The following BCL2L13 variants were observed in gnomAD, a reference collection of about 807,000 sequenced individuals.
BCL2L13 encodes bcl-2-like protein 13.
Under a neutral mutation model 25.8 loss-of-function variants are expected in BCL2L13, and 13 were observed. That is an observed-to-expected ratio of 0.50 (90% CI 0.33 to 0.80). The LOEUF is 0.80. Among genes scored for constraint, BCL2L13 ranks in the 30% least tolerant of loss-of-function variants. BCL2L13 has a pLI of 0.02. For synonymous variants in BCL2L13, 244 were observed against 230.3 expected, an observed-to-expected ratio of 1.06 and a Z score of -0.54; for missense variants, 504 against 574.9, an observed-to-expected ratio of 0.88 and a Z score of 1.26.
At chr22:17,715,137 TATATATATATATATATATATATATA>T (rs1569007362) in intron 6 of BCL2L13, among the ~76,000 whole-genome samples, 2 of 2,858 alleles carry the variant, frequency 7.0e-4, no homozygotes, top group African/African-American at 1.2e-3. Flanking sequence ...TATATATATA[TATATATATATATATATATATATATA>T]TATATATATT....
chr22:17,691,585 G>T (rs55954457), intron 4 of BCL2L13, among the ~76,000 whole-genome samples: 2,205 of 152,212 alleles, frequency 0.014, 55 homozygotes, highest in African/African-American at 0.05. Context: ...GGCGGAGCTT[G>T]CAGTGAGCCG....
intron 2 of BCL2L13, among the ~76,000 whole-genome samples, chr22:17,679,331 G>A (rs1482314969): frequency 7.0e-6 from 1 of 143,858 alleles, no homozygotes; most frequent in Non-Finnish European, 1.5e-5. Context: ...GTGCAATGGT[G>A]CGATCTCTGC....
At position 17,688,767 on chromosome 22, in the gene BCL2L13, TG is replaced by T. The variant is rs1156521045; in HGVS notation, c.230-218del. On this transcript the variant is annotated intron_variant, in intron 3 of 6. Transcript: ENST00000317582. ...TTTATAGCGCAACTTTTGATATTGT[TG>T]TTTTTTTTTTTTTTTTGAGACGGAG... Among the ~76,000 whole-genome samples, 4 of 145,446 alleles carry T rather than the reference TG, an allele frequency of 2.8e-5. No homozygotes were observed. In the South Asian group the frequency reaches 6.4e-4, roughly 23 times the overall value.
intron 1 of BCL2L13, among the ~76,000 whole-genome samples, chr22:17,641,136 C>G (rs1282336978): frequency 1.3e-5 from 2 of 152,012 alleles, no homozygotes. Flanking sequence ...GCGATCTGCC[C>G]GCCTCGGCCT....
intron 1 of BCL2L13, among the ~76,000 whole-genome samples, chr22:17,647,232 C>G (rs1046767847): frequency 6.6e-6 from 1 of 151,740 alleles, no homozygotes; most frequent in African/African-American, 2.4e-5. Flanking sequence ...CCTTGGCCTC[C>G]CAAAGTTCTG....
intron 2 of BCL2L13, among the ~76,000 whole-genome samples, chr22:17,677,826 C>G (rs774467293): frequency 6.6e-6 from 1 of 151,252 alleles, no homozygotes; most frequent in Non-Finnish European, 1.5e-5. Flanking sequence ...GAGGCGAGAT[C>G]GCGCCATTGC....
chr22:17,649,613 C>T (rs1030310826), intron 1 of BCL2L13, among the ~76,000 whole-genome samples: 6 of 151,822 alleles, frequency 4.0e-5, no homozygotes, highest in Non-Finnish European at 7.4e-5. Flanking sequence ...AGTGATTCTC[C>T]TGCCTCAGCC....
At chr22:17,704,003 A>G (rs2145720384) in intron 6 of BCL2L13, among the ~76,000 whole-genome samples, 1 of 152,350 alleles carries the variant, frequency 6.6e-6, no homozygotes, top group African/African-American at 2.4e-5. Context: ...GGTGATTGTA[A>G]TTGGTTACAG....
intron 2 of BCL2L13, among the ~76,000 whole-genome samples, chr22:17,681,963 C>G (rs2059769539): frequency 6.6e-6 from 1 of 152,114 alleles, no homozygotes. Flanking sequence ...TGTATATACA[C>G]ATACATACAT....
chr22:17,690,187 A>C (rs2060063881), intron 4 of BCL2L13, among the ~76,000 whole-genome samples: 1 of 151,896 alleles, frequency 6.6e-6, no homozygotes. Flanking sequence ...TTAGCTGAGC[A>C]TGGTGGCAGG....
At chr22:17,680,752 A>G (rs535200472) in intron 2 of BCL2L13, among the ~76,000 whole-genome samples, 3 of 152,090 alleles carry the variant, frequency 2.0e-5, no homozygotes, top group Non-Finnish European at 2.9e-5. Context: ...AAAGTGGCAG[A>G]TAAGCGTCTT....
chr22:17,633,821 T>C (rs1009242268), upstream of BCL2L13, among the ~76,000 whole-genome samples: 6 of 152,122 alleles, frequency 3.9e-5, no homozygotes, highest in Admixed American at 6.6e-5. Context: ...AAAACCTAGA[T>C]GGCAGATGGC....
chr22:17,709,924 TA>T (rs1472931259), intron 6 of BCL2L13, among the ~76,000 whole-genome samples: 5 of 151,054 alleles, frequency 3.3e-5, no homozygotes, highest in Admixed American at 2.0e-4. Flanking sequence ...ACAAAAAATA[TA>T]AAAATTAACT....
intron 3 of BCL2L13, among the ~76,000 whole-genome samples, chr22:17,684,987 G>T (rs999509960): frequency 6.6e-6 from 1 of 151,974 alleles, no homozygotes. Context: ...TGCCCGCCTT[G>T]GCCTCCCAAA....
At chr22:17,636,950 G>T (rs1209988589), upstream of BCL2L13, among the ~76,000 whole-genome samples, 1 of 152,162 alleles carries the variant, frequency 6.6e-6, no homozygotes, top group Non-Finnish European at 1.5e-5. Context: ...TAGGTAAAGT[G>T]TACATACAGT....
At chr22:17,643,292 T>C (rs2146404093) in intron 1 of BCL2L13, among the ~76,000 whole-genome samples, 1 of 152,244 alleles carries the variant, frequency 6.6e-6, no homozygotes, top group South Asian at 2.1e-4. Context: ...TAATTTTTTT[T>C]TTTGAGATGC....
rs144632534 is a variant in BCL2L13, at chr22:17,702,294, C to T, written c.508C>T (p.Arg170Cys). ...LRQMLLELTR[R>C]GQEPLSALLQ... ...ACAAATGCTTTTGGAATTGACAAGACGTGGTCAAGAACCTTTGAGCGCACT... is the reference window on the plus strand; with the variant it reads ...ACAAATGCTTTTGGAATTGACAAGATGTGGTCAAGAACCTTTGAGCGCACT... Residue 170 changes from arginine to cysteine, a missense_variant, in exon 6 of 7, where the codon CGT becomes TGT. Physicochemically the swap from Arg to Cys is radical, Grantham distance 180 (BLOSUM62 -3). Transcript: ENST00000317582. The T allele has an allele frequency of 3.9e-5, 63 of 1,611,738 alleles. No individual in the cohort carries two copies. In the African/African-American group the frequency reaches 5.3e-4, roughly 14 times the overall value.
intron 3 of BCL2L13, among the ~76,000 whole-genome samples, chr22:17,686,560 G>A (rs1403075465): frequency 1.4e-5 from 2 of 146,932 alleles, no homozygotes; most frequent in African/African-American, 5.0e-5. Flanking sequence ...ACCCAGGCTG[G>A]AGTGCAGTGG....
At chr22:17,706,217 C>G (rs1250250329) in intron 6 of BCL2L13, among the ~76,000 whole-genome samples, 4 of 152,070 alleles carry the variant, frequency 2.6e-5, no homozygotes, top group Non-Finnish European at 4.4e-5. Flanking sequence ...ACTATGTTGC[C>G]CAAGCTGGTC....
Sources: allele counts gnomAD v4.1 joint callset (sites outside exome capture counted in the v4.1 genomes callset), GRCh38; gene constraint gnomAD v4.1.1; transcripts MANE v1.5; gene names NCBI Gene and HGNC (gene_info 2026-07-23, HGNC 2026-07-21).